The following GRIK5 variants were observed in gnomAD, a reference collection of about 807,000 sequenced individuals.
The protein encoded by GRIK5 is glutamate ionotropic receptor kainate type subunit 5.
A neutral mutation model predicts 97.4 loss-of-function variants in GRIK5; 43 were observed. That is an observed-to-expected ratio of 0.44 (90% CI 0.35 to 0.57). The LOEUF (loss-of-function observed/expected upper bound fraction) is 0.57. Ranked by LOEUF, GRIK5 falls within the 20% of genes least tolerant of loss-of-function variation. The pLI is 0.01. For missense variants in GRIK5, 1,015 were observed against 1,382.0 expected (o/e 0.73, Z 4.21); for synonymous variants, 580 against 583.5 (o/e 0.99, Z 0.09).
chr19:42,068,602 CG>C (rs1387377290), intron 1 of GRIK5: 133 of 416,736 alleles, frequency 3.2e-4, no homozygotes, highest in Admixed American at 1.8e-3. Flanking sequence ...GACAGGTGAG[CG>C]GAGGCACAGA....
rs2076393940 is a variant in GRIK5 at position 42,069,530 on chromosome 19, G to C, written c.-340C>G. On this transcript the variant is annotated 5_prime_UTR_variant, in exon 1 of 20. Coordinates refer to ENST00000593562, the MANE Select transcript of GRIK5 (RefSeq NM_002088.5). The stretch of plus-strand genomic sequence containing the variant: ...GAGAGGGGGAAGGAGCAAATGGAGG[G>C]GAAGGAGGGAGGAAAGGAGGAGAGG... 6.8e-6 allele frequency: 1 copy of C among 147,886 alleles called. No homozygotes were observed. Among genetic ancestry groups the C allele is most frequent in the Non-Finnish European group, 1.5e-5 (1 of 66,670 alleles). The allele number at this position is 147,886 out of a possible 1,614,324, so 9.2% of individuals were successfully genotyped here.
intron 12 of GRIK5, among the ~76,000 whole-genome samples, chr19:42,037,791 G>T (rs2075926855): frequency 6.6e-6 from 1 of 152,132 alleles, no homozygotes; most frequent in African/African-American, 2.4e-5. Flanking sequence ...CCCACGTCCA[G>T]TGACATATCA....
chr19:42,053,564 G>T (rs1325941462), intron 11 of GRIK5, 38 bp downstream of exon 11: 2 of 1,220,716 alleles, frequency 1.6e-6, no homozygotes, highest in African/African-American at 3.0e-5. Flanking sequence ...TGGGCTCAGG[G>T]CAGCGCCACT....
At position 42,022,764 on chromosome 19, in the gene GRIK5, G is replaced by C. The variant is rs1354861929; in HGVS notation, c.1474-410C>G. On this transcript the variant is annotated intron_variant, in intron 12 of 19. Transcript: ENST00000593562. This position sits in a 1 kb window ranked among gnomAD's most constrained non-coding sequence, Gnocchi z 4.2. ...CCGGACAGAACACAGAGCAGGGAGA[G>C]AGGAGGCAGGGCCCAGAAATGACCC... The C allele has an allele frequency of 1.5e-6, 1 of 672,042 alleles. No individual in the cohort carries two copies. The allele number at this position is 672,042 out of a possible 1,614,324, so 41.6% of individuals were successfully genotyped here. A position where few individuals can be genotyped will look rare whatever the true frequency, so the allele number is the denominator to read the frequency against.
chr19:42,018,161 A>AT (rs1323428478), intron 15 of GRIK5, among the ~76,000 whole-genome samples: 59 of 149,038 alleles, frequency 4.0e-4, no homozygotes, highest in Middle Eastern at 3.2e-3. Context: ...AAAAAAAAAA[A>AT]AAAAAAAAAA....
intron 8 of GRIK5, among the ~76,000 whole-genome samples, chr19:42,056,345 A>G (rs1433232819): frequency 6.6e-6 from 1 of 152,156 alleles, no homozygotes; most frequent in African/African-American, 2.4e-5. Flanking sequence ...GGGACACTGG[A>G]GCAATGTCCT....
intron 15 of GRIK5, among the ~76,000 whole-genome samples, chr19:42,013,908 G>A (rs2075595747): frequency 2.0e-5 from 3 of 151,292 alleles, no homozygotes; most frequent in African/African-American, 7.3e-5. Context: ...GCACACCTGT[G>A]ATCCCAGATA....
chr19:42,067,913 G>C (rs753089686), intron 1 of GRIK5, among the ~76,000 whole-genome samples: 2 of 152,168 alleles, frequency 1.3e-5, no homozygotes, highest in Non-Finnish European at 2.9e-5. Flanking sequence ...ACCCAGCAGA[G>C]AGCTGAGCAA....
rs1206822269 is a variant in GRIK5 at position 42,002,696 on chromosome 19, C to T, written c.2514+636G>A. ...AATGCAGGGGTGTGGCTGGGCGGCC[C>T]CCAGGGACATGGAAGCAGCCCTCCT... is the stretch of plus-strand genomic sequence containing the variant. On this transcript the variant is annotated intron_variant, in intron 19 of 19. Coordinates refer to ENST00000593562, the MANE Select transcript of GRIK5 (RefSeq NM_002088.5). The surrounding 1 kb of genome is among the most constrained non-coding windows in gnomAD (Gnocchi z 5.2). 1.6e-6 allele frequency: 1 copy of T among 606,878 alleles called. No homozygotes were observed. The highest frequency in any genetic ancestry group is 2.9e-6 in the Non-Finnish European group (1 of 341,852). The allele number at this position is 606,878 out of a possible 1,614,324, so 37.6% of individuals were successfully genotyped here.
intron 12 of GRIK5, among the ~76,000 whole-genome samples, chr19:42,024,035 G>A (rs996921662): frequency 7.2e-5 from 11 of 152,114 alleles, no homozygotes; most frequent in East Asian, 1.9e-4. Context: ...ATGATGGCCC[G>A]TTCTTTCCTC....
chr19:42,028,812 A>G (rs1479317321), intron 12 of GRIK5, among the ~76,000 whole-genome samples: 1 of 152,260 alleles, frequency 6.6e-6, no homozygotes, highest in Non-Finnish European at 1.5e-5. Flanking sequence ...GCCTTTGTAC[A>G]TAAAGTTTTA....
chr19:42,044,136 C>T (rs934812375), intron 11 of GRIK5, among the ~76,000 whole-genome samples: 1 of 152,172 alleles, frequency 6.6e-6, no homozygotes, highest in African/African-American at 2.4e-5. Flanking sequence ...CGGCACATCT[C>T]TCTCCTGCTG....
chr19:42,056,283 C>T (rs1231716016), intron 8 of GRIK5, among the ~76,000 whole-genome samples: 1 of 152,168 alleles, frequency 6.6e-6, no homozygotes, highest in Non-Finnish European at 1.5e-5. Flanking sequence ...CGCGCCGGGC[C>T]AAGTTTACCA....
rs201498666 is a variant in GRIK5, at chr19:42,065,351, C to T, written c.116G>A (p.Gly39Asp). ...ILDDQTVCGR[G>D]ERLALALARE... The stretch of plus-strand genomic sequence containing the variant: ...GGCCAAGGCCAAGGCCAGACGCTCA[C>T]CGCGGCCACACACTGTCTGATCATC... Residue 39 changes from glycine (G) to aspartate (D), a missense_variant, in exon 3 of 20, where the codon GGT becomes GAT. Gly to Asp is a moderately conservative substitution (Grantham distance 94). Transcript: ENST00000593562. This position sits in a 1 kb window ranked among gnomAD's most constrained non-coding sequence, Gnocchi z 5.8. 3.7e-6 allele frequency: 6 copies of T among 1,605,710 alleles called. No individual in the cohort carries two copies. The Admixed American group carries it at 1.0e-4, about 27-fold the overall frequency.
chr19:42,038,549 G>A (rs999627274), intron 12 of GRIK5, among the ~76,000 whole-genome samples: 11 of 152,230 alleles, frequency 7.2e-5, no homozygotes, highest in Admixed American at 2.6e-4. Context: ...ATGGAGACAA[G>A]TCAGAAAGCT....
chr19:42,053,363 C>T (rs973659752), intron 11 of GRIK5, among the ~76,000 whole-genome samples: 13 of 152,230 alleles, frequency 8.5e-5, no homozygotes, highest in African/African-American at 1.2e-4. Flanking sequence ...TGACCAGAGC[C>T]AGATACTGTG....
At position 42,003,324 on chromosome 19, in the gene GRIK5, C is replaced by T. The variant is rs372923747; in HGVS notation, c.2514+8G>A. On this transcript the variant is annotated splice_region_variant and intron_variant, in intron 19 of 19. Transcript: ENST00000593562. The surrounding 1 kb of genome is among the most constrained non-coding windows in gnomAD (Gnocchi z 4.2). The stretch of plus-strand genomic sequence containing the variant: ...GTTCCTGCCCACCCCCACCCCCAGC[C>T]TCCTCACCTCCTCGGACTCAGCTGA... The T allele has an allele frequency of 2.2e-5, 36 of 1,603,876 alleles. No homozygotes were observed. The highest frequency in any genetic ancestry group is 2.9e-5 in the Non-Finnish European group (34 of 1,172,298).
intron 15 of GRIK5, among the ~76,000 whole-genome samples, chr19:42,019,261 C>G (rs2146043979): frequency 6.6e-6 from 1 of 152,180 alleles, no homozygotes; most frequent in South Asian, 2.1e-4. Context: ...ACACCTGGCC[C>G]TCTCCCTCTG....
chr19:42,051,009 T>C (rs571086996), intron 11 of GRIK5, among the ~76,000 whole-genome samples: 1 of 152,168 alleles, frequency 6.6e-6, no homozygotes, highest in Admixed American at 6.5e-5. Context: ...ATGGATACTG[T>C]AGTTAAGTGA....
Sources: gnomAD v4.1 joint callset for allele counts (sites outside exome capture counted in the v4.1 genomes callset) on GRCh38, gnomAD v4.1.1 for gene constraint, Gnocchi (gnomAD v3.1) non-coding constraint, MANE v1.5 for transcripts, NCBI Gene and HGNC (gene_info 2026-07-23, HGNC 2026-07-21) for gene names.